FIGN: variants seen among roughly 807,000 people sequenced by gnomAD.
FIGN encodes the protein fidgetin, microtubule severing factor.
In FIGN, 11 loss-of-function variants were observed where a neutral mutation model predicts 51.3. That is an observed-to-expected ratio of 0.21 (90% CI 0.13 to 0.35). The LOEUF (loss-of-function observed/expected upper bound fraction) is 0.35, where lower values mean the gene tolerates loss of function less well. Ranked by LOEUF, FIGN falls within the 10% of genes least tolerant of loss-of-function variation. The pLI is 1.00. For synonymous variants in FIGN, 407 were observed against 363.2 expected (o/e 1.12, Z -1.37); for missense variants, 857 against 943.6 (o/e 0.91, Z 1.20).
chr2:163,610,448 T>G lies in FIGN; in HGVS notation c.1384A>C (p.Lys462Gln). The G allele has an allele frequency of 6.2e-7, 1 of 1,614,114 alleles. No homozygotes were observed. The highest frequency in any genetic ancestry group is 8.5e-7 in the Non-Finnish European group (1 of 1,180,032). ...SSNHSVDEQL[K>Q]NTDTHLIDLV... ...TCGATGAGGTGCGTGTCAGTATTCT[T>G]CAGTTGCTCGTCCACAGAGTGGTTG... Residue 462 changes from lysine to glutamine, a missense_variant, in exon 3 of 3, where the codon AAG (lysine) becomes CAG (glutamine). By Grantham distance (53) the Lys-to-Gln change is moderately conservative. Coordinates refer to ENST00000333129, the MANE Select transcript of FIGN (RefSeq NM_018086.4).
rs918263170 is a variant in FIGN, at chr2:163,732,662, G to C, written c.25+2241C>G. Among the ~76,000 whole-genome samples the C allele has an allele frequency of 1.1e-4, 17 of 152,250 alleles. No individual in the cohort carries two copies. The East Asian group carries it at 3.1e-3, about 28-fold the overall frequency. ...ACGTCCAGAAAACTTCACACATAGTGAAATCCTAATAAATAGATCTTGTTG... is the reference window on the plus strand; with the variant it reads ...ACGTCCAGAAAACTTCACACATAGTCAAATCCTAATAAATAGATCTTGTTG... On this transcript the variant is annotated intron_variant, in intron 2 of 2. Coordinates refer to ENST00000333129, the MANE Select transcript of FIGN (RefSeq NM_018086.4).
chr2:163,700,537 T>A (rs559194285), intron 2 of FIGN, among the ~76,000 whole-genome samples: 1 of 152,146 alleles, frequency 6.6e-6, no homozygotes, highest in Admixed American at 6.5e-5. Flanking sequence ...GAAGATGAAA[T>A]CCAGAATTCA....
intron 2 of FIGN, among the ~76,000 whole-genome samples, chr2:163,688,717 C>T (rs770151038): frequency 2.6e-5 from 4 of 152,068 alleles, no homozygotes; most frequent in Non-Finnish European, 4.4e-5. Flanking sequence ...CAAAGTTGGT[C>T]GCAAGAGGGA....
rs76148006 is a variant in FIGN, at chr2:163,713,890, C to T, written c.25+21013G>A. 7.2e-3 allele frequency among the ~76,000 whole-genome samples: 1,095 copies of T among 152,272 alleles called. 11 individuals carry two copies. The highest frequency in any genetic ancestry group is 0.025 in the African/African-American group (1,029 of 41,564). On this transcript the variant is annotated intron_variant, in intron 2 of 2. Transcript: ENST00000333129. ...TAAGAAGGTGACTGTAGAGCCTGAG[C>T]TAATTGCAAGCTGATTAGATTGTGC...
intron 2 of FIGN, among the ~76,000 whole-genome samples, chr2:163,628,326 G>A (rs1003982990): frequency 2.0e-5 from 3 of 152,164 alleles, no homozygotes; most frequent in Admixed American, 2.0e-4. Flanking sequence ...AGAGAGAGAG[G>A]AGGTTTCCTG....
At chr2:163,689,325 G>A (rs1172267493) in intron 2 of FIGN, among the ~76,000 whole-genome samples, 1 of 151,934 alleles carries the variant, frequency 6.6e-6, no homozygotes, top group East Asian at 1.9e-4. Flanking sequence ...ATGCTCATCT[G>A]GTTTCATAGG....
At chr2:163,675,393 A>G (rs1256748230) in intron 2 of FIGN, among the ~76,000 whole-genome samples, 2 of 152,254 alleles carry the variant, frequency 1.3e-5, no homozygotes, top group African/African-American at 4.8e-5. Flanking sequence ...TTCTTATCAC[A>G]GACTAGTGAT....
In FIGN at chr2:163,604,936, C is replaced by CTTTTTTTTTTTTTTTT. The variant is rs71410075; in HGVS notation, c.*4600_*4615dup. The CTTTTTTTTTTTTTTTT allele has an allele frequency of 1.6e-4, 15 of 94,262 alleles. No individual in the cohort carries two copies. Among genetic ancestry groups the CTTTTTTTTTTTTTTTT allele is most frequent in the Non-Finnish European group, 2.3e-4 (12 of 53,124 alleles). The allele number at this position is 94,262 out of a possible 1,614,324, so 5.8% of individuals were successfully genotyped here. A position where few individuals can be genotyped will look rare whatever the true frequency, so the allele number is the denominator to read the frequency against. On this transcript the variant is annotated 3_prime_UTR_variant, in exon 3 of 3. Coordinates refer to ENST00000333129, the MANE Select transcript of FIGN (RefSeq NM_018086.4). ...TTTTAAGCCCAGAAATAAACTTTTG[C>CTTTTTTTTTTTTTTTT]TTTTTTTTTTTTTTTTTTTGTATCA... is the stretch of plus-strand genomic sequence containing the variant.
At chr2:163,625,640 T>A (rs763854948) in intron 2 of FIGN, among the ~76,000 whole-genome samples, 3 of 152,072 alleles carry the variant, frequency 2.0e-5, no homozygotes, top group Admixed American at 6.6e-5. Flanking sequence ...AAATATATTA[T>A]CTATAAATGT....
chr2:163,678,881 G>T (rs928128746), intron 2 of FIGN, among the ~76,000 whole-genome samples: 1 of 152,124 alleles, frequency 6.6e-6, no homozygotes, highest in African/African-American at 2.4e-5. Context: ...GTTCATTGAA[G>T]AAATCATGTG....
chr2:163,720,341 G>T (rs1324802646), intron 2 of FIGN, among the ~76,000 whole-genome samples: 2 of 152,204 alleles, frequency 1.3e-5, no homozygotes, highest in South Asian at 4.2e-4. Flanking sequence ...CAAAGACAAG[G>T]CTAAAAGAAG....
intron 2 of FIGN, among the ~76,000 whole-genome samples, chr2:163,691,686 G>A (rs1450930490): frequency 6.6e-6 from 1 of 152,070 alleles, no homozygotes; most frequent in Non-Finnish European, 1.5e-5. Flanking sequence ...AATATTTCAT[G>A]TTACCTACAC....
chr2:163,649,672 A>G (rs1220222645), intron 2 of FIGN, among the ~76,000 whole-genome samples: 2 of 152,180 alleles, frequency 1.3e-5, no homozygotes, highest in Non-Finnish European at 2.9e-5. Context: ...AAGGCAAATA[A>G]TCATGAGAAA....
chr2:163,684,189 G>A (rs1017346030), intron 2 of FIGN, among the ~76,000 whole-genome samples: 4 of 151,848 alleles, frequency 2.6e-5, no homozygotes, highest in African/African-American at 9.7e-5. Flanking sequence ...ACACACTTTA[G>A]AGACTTGTAA....
chr2:163,667,413 A>G (rs752815403), intron 2 of FIGN, among the ~76,000 whole-genome samples: 1 of 152,006 alleles, frequency 6.6e-6, no homozygotes, highest in African/African-American at 2.4e-5. Flanking sequence ...GTCAACATTC[A>G]TTAGTTTACC....
In FIGN at chr2:163,609,633, G is replaced by A; in HGVS notation, c.2199C>T (p.Phe733=). 6.2e-7 allele frequency: 1 copy of A among 1,614,078 alleles called. No individual in the cohort carries two copies. The highest frequency in any genetic ancestry group is 1.3e-5 in the African/African-American group (1 of 75,010). ...GAGATATGCTAGGCTGAATCTTGCA[G>A]AAAGCATTTTCAAAGTCTTGATATG... is the stretch of plus-strand genomic sequence containing the variant. ...PVTYQDFENA[F]CKIQPSISQK... Residue 733 remains phenylalanine, a synonymous_variant, in exon 3 of 3, where the codon TTC becomes TTT. Transcript: ENST00000333129.
intron 2 of FIGN, among the ~76,000 whole-genome samples, chr2:163,639,936 T>C (rs1381741034): frequency 6.6e-6 from 1 of 152,186 alleles, no homozygotes; most frequent in Non-Finnish European, 1.5e-5. Context: ...GCAGCTTAGC[T>C]TAATATGTCC....
intron 2 of FIGN, among the ~76,000 whole-genome samples, chr2:163,686,958 A>C (rs1467659626): frequency 6.6e-6 from 1 of 151,716 alleles, no homozygotes; most frequent in Non-Finnish European, 1.5e-5. Context: ...TAAAATAATC[A>C]GTCATTACTT....
chr2:163,730,997 A>G (rs527366157), intron 2 of FIGN, among the ~76,000 whole-genome samples: 1 of 152,322 alleles, frequency 6.6e-6, no homozygotes, highest in African/African-American at 2.4e-5. Context: ...TCTAAGAACT[A>G]GAAAGTTCAA....
Sources: allele counts gnomAD v4.1 joint callset (sites outside exome capture counted in the v4.1 genomes callset), GRCh38; gene constraint gnomAD v4.1.1; transcripts MANE v1.5; gene names NCBI Gene and HGNC (gene_info 2026-07-23, HGNC 2026-07-21).